The following LMO2 variants were observed in gnomAD, a reference collection of about 807,000 sequenced individuals.
LMO2 encodes rhombotin-2.
In LMO2, 20 loss-of-function variants were observed where a neutral mutation model predicts 23.2. That is an observed-to-expected ratio of 0.86 (90% CI 0.61 to 1.25). The LOEUF (loss-of-function observed/expected upper bound fraction) is 1.25. Among genes scored for constraint, LMO2 ranks in the 50% most tolerant of loss-of-function variants. The pLI is 0.00. For synonymous variants in LMO2, 123 were observed against 130.2 expected (o/e 0.94, Z 0.38); for missense variants, 270 against 315.3 (o/e 0.86, Z 1.09).
At chr11:33,860,971 A>G (rs966633420) in intron 5 of LMO2, among the ~76,000 whole-genome samples, 2 of 152,184 alleles carry the variant, frequency 1.3e-5, no homozygotes, top group African/African-American at 4.8e-5. Flanking sequence ...GAGAAGACCC[A>G]GCTTCAATGT....
At chr11:33,863,701 T>G (rs1388242246) in intron 5 of LMO2, among the ~76,000 whole-genome samples, 2 of 152,256 alleles carry the variant, frequency 1.3e-5, no homozygotes, top group Non-Finnish European at 2.9e-5. Context: ...TTTCACACAG[T>G]GCTGGAAAAT....
At chr11:33,859,639 G>C (rs1345075011) in intron 5 of LMO2, 64 bp from the exon 6 acceptor site, 3 of 1,477,536 alleles carry the variant, frequency 2.0e-6, no homozygotes, top group African/African-American at 1.4e-5. Context: ...GACAGGGCTC[G>C]GGGATGAGCC....
chr11:33,866,502 G>A (rs532824472), intron 4 of LMO2, among the ~76,000 whole-genome samples: 1 of 152,248 alleles, frequency 6.6e-6, no homozygotes, highest in East Asian at 1.9e-4. Flanking sequence ...CAGGCTTGGT[G>A]GCATGAGCCA....
intron 2 of LMO2, among the ~76,000 whole-genome samples, chr11:33,877,075 AG>A (rs1857152664): frequency 6.6e-6 from 1 of 152,220 alleles, no homozygotes; most frequent in African/African-American, 2.4e-5. Context: ...CTGCCCTACA[AG>A]GGCTTAGTTC....
chr11:33,877,132 G>A (rs1293726396), intron 2 of LMO2, among the ~76,000 whole-genome samples: 1 of 152,228 alleles, frequency 6.6e-6, no homozygotes, highest in African/African-American at 2.4e-5. Context: ...GGAGTGTCTT[G>A]TCTTACCTCT....
intron 5 of LMO2, among the ~76,000 whole-genome samples, chr11:33,863,689 G>A (rs571095867): frequency 6.6e-6 from 1 of 152,334 alleles, no homozygotes; most frequent in South Asian, 2.1e-4. Flanking sequence ...CTAGGCAAAG[G>A]CTTTCACACA....
chr11:33,867,174 G>A (rs7114342), intron 4 of LMO2, among the ~76,000 whole-genome samples: 1 of 152,156 alleles, frequency 6.6e-6, no homozygotes, highest in Admixed American at 6.5e-5. Flanking sequence ...GCACAGCAAG[G>A]GAATCTGTGT....
Position 33,869,787 on chromosome 11 carries a change from TG to T in LMO2, c.-72del, listed in dbSNP as rs1181729907. 1 of 1,154,940 alleles carries T rather than the reference TG, an allele frequency of 8.7e-7. No individual in the cohort carries two copies. Among genetic ancestry groups the T allele is most frequent in the African/African-American group, 1.6e-5 (1 of 60,624 alleles). 71.5% of individuals were successfully genotyped at this position (1,154,940 alleles called of 1,614,324 possible). On this transcript the variant is annotated 5_prime_UTR_variant, in exon 3 of 6. Transcript: ENST00000257818. ...GCCGGCTCCGCGCCGCCCGCGGGGA[TG>T]GTGTGCGCCCGCCCGGCCGCCCGGA...
At chr11:33,862,319 G>A (rs1393614943) in intron 5 of LMO2, among the ~76,000 whole-genome samples, 2 of 152,154 alleles carry the variant, frequency 1.3e-5, no homozygotes, top group Non-Finnish European at 2.9e-5. Flanking sequence ...AGTTGGGGCA[G>A]GCATACTTCT....
intron 1 of LMO2, among the ~76,000 whole-genome samples, chr11:33,887,193 T>C (rs954421979): frequency 6.6e-6 from 1 of 152,220 alleles, no homozygotes; most frequent in African/African-American, 2.4e-5. Context: ...GGAAAACTGA[T>C]TTGGAAACCA....
chr11:33,878,227 C>T lies in LMO2; in HGVS notation c.-272+3597G>A, dbSNP rs1233064697. Among the ~76,000 whole-genome samples, 3 of 152,296 alleles carry T rather than the reference C, an allele frequency of 2.0e-5. No homozygotes were observed. The South Asian group carries it at 6.2e-4, about 32-fold the overall frequency. Reference sequence around the variant, plus strand: ...TGATCCAACTTTACATCCCACAGTCCTGGACCCTGAACCTTCCCATCCAGC... The same window carrying T: ...TGATCCAACTTTACATCCCACAGTCTTGGACCCTGAACCTTCCCATCCAGC... On this transcript the variant is annotated intron_variant, in intron 2 of 5. Coordinates refer to ENST00000257818, the MANE Select transcript of LMO2 (RefSeq NM_005574.4).
Position 33,859,303 on chromosome 11 carries a change from T to C in LMO2, c.*53A>G, listed in dbSNP as rs1008174009. 3 of 1,382,186 alleles carry C rather than the reference T, an allele frequency of 2.2e-6. No individual in the cohort carries two copies. The highest frequency in any genetic ancestry group is 1.7e-5 in the Admixed American group (1 of 57,500). The allele number at this position is 1,382,186 out of a possible 1,614,324, so 85.6% of individuals were successfully genotyped here. A position where few individuals can be genotyped will look rare whatever the true frequency, so the allele number is the denominator to read the frequency against. ...CCTAAGAGTGAAGACGAAGATGCCA[T>C]GGAGACGGCGTCTTCAGTGAACACC... On this transcript the variant is annotated 3_prime_UTR_variant, in exon 6 of 6. Coordinates refer to ENST00000257818, the MANE Select transcript of LMO2 (RefSeq NM_005574.4).
chr11:33,885,071 G>A, intron 1 of LMO2, among the ~76,000 whole-genome samples: 1 of 152,150 alleles, frequency 6.6e-6, no homozygotes, highest in East Asian at 1.9e-4. Context: ...CCTCTGACTG[G>A]GGACTGTGAC....
intron 4 of LMO2, among the ~76,000 whole-genome samples, chr11:33,867,512 A>G (rs1412791266): frequency 1.3e-5 from 2 of 152,220 alleles, no homozygotes; most frequent in Non-Finnish European, 2.9e-5. Flanking sequence ...AATATTTTAT[A>G]TTCTCCCAGA....
In LMO2 at chr11:33,880,745, T is replaced by G; in HGVS notation, c.-272+1079A>C. 5.7e-6 allele frequency: 1 copy of G among 176,132 alleles called. No individual in the cohort carries two copies. Among genetic ancestry groups the G allele is most frequent in the South Asian group, 1.2e-4 (1 of 8,146 alleles). The allele number at this position is 176,132 out of a possible 1,614,324, so 10.9% of individuals were successfully genotyped here. On this transcript the variant is annotated intron_variant, in intron 2 of 5. Coordinates refer to ENST00000257818, the MANE Select transcript of LMO2 (RefSeq NM_005574.4). This position sits in a 1 kb window ranked among gnomAD's most constrained non-coding sequence, Gnocchi z 4.3. ...AGACCATTCCCTAGGTGTAGCTCTGTTCCTACATGCAAAATTTTACATATT... is the reference window on the plus strand; with the variant it reads ...AGACCATTCCCTAGGTGTAGCTCTGGTCCTACATGCAAAATTTTACATATT...
chr11:33,877,481 T>TC, intron 2 of LMO2, among the ~76,000 whole-genome samples: 1 of 149,784 alleles, frequency 6.7e-6, no homozygotes, highest in Admixed American at 6.6e-5. Flanking sequence ...TTTTTTTTTT[T>TC]TGAGACAGTG....
chr11:33,883,319 C>G (rs1378486811), intron 1 of LMO2, among the ~76,000 whole-genome samples: 1 of 152,188 alleles, frequency 6.6e-6, no homozygotes, highest in Non-Finnish European at 1.5e-5. Flanking sequence ...GATGAGAACA[C>G]TGGTGTGTGT....
At chr11:33,872,349 C>A (rs1008493455) in intron 2 of LMO2, among the ~76,000 whole-genome samples, 3 of 152,080 alleles carry the variant, frequency 2.0e-5, no homozygotes, top group African/African-American at 7.2e-5. Flanking sequence ...AAAATGGAGA[C>A]GACAGAACCT....
At chr11:33,870,667 C>G (rs1856994737) in intron 2 of LMO2, 1 of 727,946 alleles carries the variant, frequency 1.4e-6, no homozygotes, top group African/African-American at 1.9e-5. Flanking sequence ...GCGGAATCCC[C>G]TCCCTCTGCA....
Sources: allele counts gnomAD v4.1 joint callset (sites outside exome capture counted in the v4.1 genomes callset), GRCh38; gene constraint gnomAD v4.1.1; non-coding constraint Gnocchi (gnomAD v3.1); transcripts MANE v1.5; gene names NCBI Gene and HGNC (gene_info 2026-07-23, HGNC 2026-07-21).